TAOK3: variants seen among roughly 807,000 people sequenced by gnomAD.
The protein encoded by TAOK3 is TAO kinase 3.
A neutral mutation model predicts 120.4 loss-of-function variants in TAOK3; 40 were observed. The observed-to-expected ratio is 0.33, with a 90% confidence interval of 0.26 to 0.43. The LOEUF (loss-of-function observed/expected upper bound fraction) is 0.43, where lower values mean the gene tolerates loss of function less well. TAOK3 is among the 20% of genes least tolerant of loss of function. The probability of loss-of-function intolerance (pLI) is 1.00; values close to 1 mark genes in which losing one functional copy is unlikely to be tolerated. For synonymous variants in TAOK3, 355 were observed against 387.5 expected (o/e 0.92, Z 0.99); for missense variants, 821 against 1,112.1 (o/e 0.74, Z 3.72).
At chr12:118,222,571 C>T (rs1008167984) in intron 9 of TAOK3, among the ~76,000 whole-genome samples, 2 of 151,422 alleles carry the variant, frequency 1.3e-5, no homozygotes, top group Admixed American at 6.6e-5. Context: ...GGTATATATA[C>T]ACCATGGAGT....
In TAOK3 at chr12:118,372,717, G is replaced by T. The variant is rs879355302; in HGVS notation, c.-263C>A. The T allele has an allele frequency of 1.9e-5, 3 of 155,558 alleles. No homozygotes were observed. Among genetic ancestry groups the T allele is most frequent in the South Asian group, 1.9e-4 (1 of 5,318 alleles). 9.6% of individuals were successfully genotyped at this position (155,558 alleles called of 1,614,324 possible). A position where few individuals can be genotyped will look rare whatever the true frequency, so the allele number is the denominator to read the frequency against. On this transcript the variant is annotated 5_prime_UTR_variant, in exon 1 of 21. Transcript: ENST00000392533. This position sits in a 1 kb window ranked among gnomAD's most constrained non-coding sequence, Gnocchi z 4.6. ...CGCTTCCTCTCCCACACTTGTTCCTGAGTCGCTCTCCTGTGGCTTGTTCCC... is the reference window on the plus strand; with the variant it reads ...CGCTTCCTCTCCCACACTTGTTCCTTAGTCGCTCTCCTGTGGCTTGTTCCC...
intron 2 of TAOK3, among the ~76,000 whole-genome samples, chr12:118,266,343 C>A (rs1415709649): frequency 1.4e-5 from 2 of 147,808 alleles, no homozygotes; most frequent in Non-Finnish European, 3.0e-5. Context: ...CAGACATGCG[C>A]CACCACGCCC....
chr12:118,281,129 T>C (rs2042085237), intron 1 of TAOK3, among the ~76,000 whole-genome samples: 1 of 152,254 alleles, frequency 6.6e-6, no homozygotes, highest in Admixed American at 6.5e-5. Context: ...TATAGAATCA[T>C]GTTGCCTGCA....
At chr12:118,193,238 G>C (rs577337598) in intron 13 of TAOK3, among the ~76,000 whole-genome samples, 11 of 151,776 alleles carry the variant, frequency 7.2e-5, no homozygotes, top group Admixed American at 2.6e-4. Flanking sequence ...TAGTAGGGAT[G>C]GGTTTTCACC....
intron 14 of TAOK3, among the ~76,000 whole-genome samples, chr12:118,184,799 A>C (rs1029877650): frequency 1.3e-5 from 2 of 152,244 alleles, no homozygotes; most frequent in African/African-American, 4.8e-5. Context: ...GATTGTGTGG[A>C]GAAAAACCTC....
At chr12:118,288,385 G>A (rs1260672909) in intron 1 of TAOK3, among the ~76,000 whole-genome samples, 4 of 152,126 alleles carry the variant, frequency 2.6e-5, no homozygotes, top group Middle Eastern at 3.4e-3. Flanking sequence ...TCATATGGGT[G>A]GGTGGCCTTG....
chr12:118,366,247 G>A (rs535721656), intron 1 of TAOK3, among the ~76,000 whole-genome samples: 2 of 152,074 alleles, frequency 1.3e-5, no homozygotes, highest in Non-Finnish European at 2.9e-5. Context: ...CTGAGCGAAA[G>A]AGCGAGACTC....
intron 2 of TAOK3, among the ~76,000 whole-genome samples, chr12:118,265,625 A>G (rs1847466440): frequency 6.6e-6 from 1 of 152,168 alleles, no homozygotes; most frequent in African/African-American, 2.4e-5. Flanking sequence ...GAAAAAATAT[A>G]CTTTTTTTGG....
At chr12:118,366,777 AGG>A (rs1397250242) in intron 1 of TAOK3, among the ~76,000 whole-genome samples, 3 of 152,150 alleles carry the variant, frequency 2.0e-5, no homozygotes, top group African/African-American at 7.2e-5. Context: ...TAATGGAACT[AGG>A]TTTTTCTAGG....
rs1331817124 is a variant in TAOK3 at position 118,215,179 on chromosome 12, C to T, written c.644-1069G>A. On this transcript the variant is annotated intron_variant, in intron 9 of 20. Coordinates refer to ENST00000392533, the MANE Select transcript of TAOK3 (RefSeq NM_016281.4). ...CAGGCGTGAGCCACTGCACCCAGTC[C>T]CATAATGAAACATCTTAAACATCAC... 8.0e-4 allele frequency among the ~76,000 whole-genome samples: 118 copies of T among 147,312 alleles called. 3 individuals carry two copies. Among genetic ancestry groups the T allele is most frequent in the Admixed American group, 7.9e-3 (117 of 14,872 alleles).
intron 11 of TAOK3, among the ~76,000 whole-genome samples, chr12:118,211,029 G>A (rs1162741687): frequency 3.3e-5 from 5 of 152,250 alleles, no homozygotes; most frequent in East Asian, 1.9e-4. Context: ...GAGCCGCCAC[G>A]CCCGGCCTAC....
At chr12:118,275,839 A>G (rs1334635409) in intron 1 of TAOK3, among the ~76,000 whole-genome samples, 2 of 152,210 alleles carry the variant, frequency 1.3e-5, no homozygotes, top group African/African-American at 4.8e-5. Context: ...GATCTCTCTG[A>G]TAGGTAACAG....
At chr12:118,361,717 C>T (rs1005584063) in intron 1 of TAOK3, among the ~76,000 whole-genome samples, 30 of 152,046 alleles carry the variant, frequency 2.0e-4, no homozygotes, top group African/African-American at 7.0e-4. Context: ...CCTCAGCCTC[C>T]CAAAGTGGTG....
At chr12:118,175,697 T>C (rs965849044) in intron 16 of TAOK3, among the ~76,000 whole-genome samples, 1 of 152,158 alleles carries the variant, frequency 6.6e-6, no homozygotes, top group African/African-American at 2.4e-5. Flanking sequence ...ATGCGCCATA[T>C]TGAATTTTAT....
chr12:118,182,808 A>T (rs1442009874), intron 14 of TAOK3, among the ~76,000 whole-genome samples: 1 of 150,996 alleles, frequency 6.6e-6, no homozygotes, highest in African/African-American at 2.4e-5. Flanking sequence ...ACATTCACTC[A>T]CTCTCCTAAA....
At position 118,281,411 on chromosome 12, in the gene TAOK3, C is replaced by A. The variant is rs930955617; in HGVS notation, c.-193-14652G>T. On this transcript the variant is annotated intron_variant, in intron 1 of 20. Coordinates refer to ENST00000392533, the MANE Select transcript of TAOK3 (RefSeq NM_016281.4). ...TCAAGGATGCCTATGGACACCTTCT[C>A]AGAATAATGTTTTACATGAAAAAAA... is the stretch of plus-strand genomic sequence containing the variant. Among the ~76,000 whole-genome samples, 10 of 152,114 alleles carry A rather than the reference C, an allele frequency of 6.6e-5. No individual in the cohort carries two copies. The East Asian group carries it at 1.7e-3, about 26-fold the overall frequency.
At chr12:118,239,331 C>G in intron 5 of TAOK3, 59 bp from the exon 6 acceptor site, 1 of 958,310 alleles carries the variant, frequency 1.0e-6, no homozygotes, top group Admixed American at 2.1e-5. Context: ...ACTGCTGAAA[C>G]CAACTAAACA....
chr12:118,205,637 G>A (rs541846334), intron 11 of TAOK3, among the ~76,000 whole-genome samples: 3 of 151,962 alleles, frequency 2.0e-5, no homozygotes, highest in Non-Finnish European at 2.9e-5. Context: ...TTGAGACAAA[G>A]TCTTACTCTA....
At chr12:118,262,951 T>G (rs941008072) in intron 2 of TAOK3, among the ~76,000 whole-genome samples, 4 of 152,194 alleles carry the variant, frequency 2.6e-5, no homozygotes, top group Non-Finnish European at 5.9e-5. Flanking sequence ...ACGGTGTTTA[T>G]AAATCAGAAG....
Sources: gnomAD v4.1 joint callset for allele counts (sites outside exome capture counted in the v4.1 genomes callset) on GRCh38, gnomAD v4.1.1 for gene constraint, Gnocchi (gnomAD v3.1) non-coding constraint, MANE v1.5 for transcripts, NCBI Gene and HGNC (gene_info 2026-07-23, HGNC 2026-07-21) for gene names.